Variants in CHAF1B observed in about 807,000 individuals in gnomAD.
CHAF1B encodes the protein chromatin assembly factor 1 subunit B, also known as CAF-1 subunit B.
In CHAF1B, 10 loss-of-function variants were observed where a neutral mutation model predicts 60.7. The ratio of observed to expected loss-of-function variants is 0.16; its 90% confidence interval spans 0.10 to 0.28. The LOEUF (loss-of-function observed/expected upper bound fraction) is 0.28, where lower values mean the gene tolerates loss of function less well. Ranked by LOEUF, CHAF1B falls within the 10% of genes least tolerant of loss-of-function variation. CHAF1B has a pLI of 1.00. For missense variants in CHAF1B, 558 were observed against 708.4 expected (o/e 0.79, Z 2.41); for synonymous variants, 261 against 266.1 (o/e 0.98, Z 0.19).
chr21:36,406,089 G>T (rs969942944), intron 8 of CHAF1B, among the ~76,000 whole-genome samples: 1 of 152,116 alleles, frequency 6.6e-6, no homozygotes, highest in African/African-American at 2.4e-5. Context: ...CCAGAACACA[G>T]AATCCAGAAA....
chr21:36,388,468 G>GTT (rs1168454008), intron 3 of CHAF1B, among the ~76,000 whole-genome samples: 90 of 126,318 alleles, frequency 7.1e-4, no homozygotes, highest in African/African-American at 1.2e-3. Context: ...GGCTTTGGGA[G>GTT]TTTTTTTTTT....
At chr21:36,409,279 G>A in intron 9 of CHAF1B, 95 bp from the exon 10 acceptor site, 1 of 870,752 alleles carries the variant, frequency 1.1e-6, no homozygotes, top group Non-Finnish European at 1.9e-6. Context: ...GGGTTTATAG[G>A]TGTGAGCCAC....
intron 11 of CHAF1B, chr21:36,412,638 A>G: frequency 2.2e-6 from 1 of 457,020 alleles, no homozygotes; most frequent in East Asian, 4.4e-5. Flanking sequence ...CTGGGATTAC[A>G]GGCGTGAGCC....
At position 36,412,256 on chromosome 21, in the gene CHAF1B, G is replaced by A. The variant is rs1029830703; in HGVS notation, c.1062-628G>A. On this transcript the variant is annotated intron_variant, in intron 11 of 13. Coordinates refer to ENST00000314103, the MANE Select transcript of CHAF1B (RefSeq NM_005441.3). ...CTTCCCTGCATGCCCCTGCTGCCCA[G>A]GACAGGGAAGTGCCCCAAGCTGGGC... Among the ~76,000 whole-genome samples the A allele has an allele frequency of 7.2e-5, 11 of 152,294 alleles. No individual in the cohort carries two copies. In the East Asian group the frequency reaches 2.1e-3, roughly 29 times the overall value.
At chr21:36,392,717 C>T (rs1407224712) in intron 4 of CHAF1B, among the ~76,000 whole-genome samples, 2 of 152,020 alleles carry the variant, frequency 1.3e-5, no homozygotes, top group East Asian at 3.9e-4. Flanking sequence ...AGACGCTCCT[C>T]ACCTCCCAGA....
chr21:36,408,223 C>T (rs534798407), intron 8 of CHAF1B, among the ~76,000 whole-genome samples: 13 of 152,192 alleles, frequency 8.5e-5, no homozygotes, highest in Non-Finnish European at 1.3e-4. Context: ...GAAGAGCTCT[C>T]AGATGGGGAC....
intron 8 of CHAF1B, among the ~76,000 whole-genome samples, chr21:36,407,028 A>G (rs1291046428): frequency 6.6e-6 from 1 of 152,138 alleles, no homozygotes; most frequent in Non-Finnish European, 1.5e-5. Context: ...CTGGCTGGGC[A>G]TGGTGGCTCA....
At chr21:36,393,174 C>T (rs1052038793) in intron 4 of CHAF1B, among the ~76,000 whole-genome samples, 5 of 152,168 alleles carry the variant, frequency 3.3e-5, no homozygotes, top group Non-Finnish European at 4.4e-5. Flanking sequence ...ACCGTCCAGC[C>T]TCGGCTTGGC....
intron 4 of CHAF1B, among the ~76,000 whole-genome samples, chr21:36,394,195 C>A (rs1027862586): frequency 6.6e-6 from 1 of 151,856 alleles, no homozygotes; most frequent in Non-Finnish European, 1.5e-5. Context: ...CCCTCCCTCA[C>A]CCTCCTGAGT....
chr21:36,385,727 G>T (rs1175464148), intron 1 of CHAF1B, among the ~76,000 whole-genome samples: 1 of 152,034 alleles, frequency 6.6e-6, no homozygotes, highest in Non-Finnish European at 1.5e-5. Flanking sequence ...CCCTCTTCCG[G>T]GAGGCTCCTC....
chr21:36,402,796 G>A lies in CHAF1B; in HGVS notation c.702G>A (p.Lys234=). 1.9e-6 allele frequency: 3 copies of A among 1,614,104 alleles called. No homozygotes were observed. Among genetic ancestry groups the A allele is most frequent in the South Asian group, 1.1e-5 (1 of 91,084 alleles). Residue 234 remains lysine, a synonymous_variant, in exon 8 of 14, where the codon AAG becomes AAA. Coordinates refer to ENST00000314103, the MANE Select transcript of CHAF1B (RefSeq NM_005441.3). ...SYRMFHDDSM[K]SFFRRLSFTP... ...GGATGTTTCACGACGACAGCATGAA[G>A]TCTTTCTTCCGTAGACTGAGTTTCA...
intron 4 of CHAF1B, among the ~76,000 whole-genome samples, chr21:36,392,383 T>A (rs1021178014): frequency 1.3e-5 from 2 of 152,266 alleles, no homozygotes; most frequent in Admixed American, 6.5e-5. Context: ...TTTCCCCTTT[T>A]TCTATTCGAC....
chr21:36,389,604 CAAAA>C (rs745521824), intron 3 of CHAF1B, among the ~76,000 whole-genome samples: 4 of 73,522 alleles, frequency 5.4e-5, no homozygotes, highest in Admixed American at 1.5e-4. Flanking sequence ...GAGTCTGTCT[CAAAA>C]AAAAAAAAAA....
chr21:36,393,017 C>T (rs886132138), intron 4 of CHAF1B, among the ~76,000 whole-genome samples: 1 of 152,154 alleles, frequency 6.6e-6, no homozygotes, highest in African/African-American at 2.4e-5. Context: ...GGAGACCAGC[C>T]CGGCCAACAC....
intron 12 of CHAF1B, among the ~76,000 whole-genome samples, chr21:36,415,022 C>T (rs111782050): frequency 0.02 from 3,029 of 152,228 alleles, 55 homozygotes; most frequent in Admixed American, 0.043. Context: ...ACAAGACCGT[C>T]GGTAATGAAC....
At chr21:36,403,392 G>A (rs554270648) in intron 8 of CHAF1B, among the ~76,000 whole-genome samples, 2 of 145,278 alleles carry the variant, frequency 1.4e-5, no homozygotes, top group East Asian at 4.0e-4. Context: ...AGGAGGCAGA[G>A]GGTGCAGTGA....
At chr21:36,388,577 C>T (rs1481132887) in intron 3 of CHAF1B, among the ~76,000 whole-genome samples, 17 of 151,382 alleles carry the variant, frequency 1.1e-4, no homozygotes, top group Admixed American at 1.1e-3. Flanking sequence ...AGCGATTCTC[C>T]TGCCTCAGCC....
chr21:36,386,365 G>C lies in CHAF1B; in HGVS notation c.126+103G>C, dbSNP rs2086034525. 1.9e-5 allele frequency: 27 copies of C among 1,416,388 alleles called. No homozygotes were observed. In the South Asian group the frequency reaches 3.4e-4, roughly 18 times the overall value. The allele number at this position is 1,416,388 out of a possible 1,614,324, so 87.7% of individuals were successfully genotyped here. ...CGGCTGGGCGCGGTGGCTTACGCCT[G>C]TAATCCCAGTGCTTTGGGAGGCTGA... On this transcript the variant is annotated intron_variant, in intron 2 of 13. Transcript: ENST00000314103.
chr21:36,386,300 T>G (rs373321906), intron 2 of CHAF1B, 38 bp downstream of exon 2: 1 of 1,605,432 alleles, frequency 6.2e-7, no homozygotes, highest in African/African-American at 1.3e-5. Flanking sequence ...GGAACACTGC[T>G]TGAAGCAATA....
Sources: allele counts gnomAD v4.1 joint callset (sites outside exome capture counted in the v4.1 genomes callset), GRCh38; gene constraint gnomAD v4.1.1; transcripts MANE v1.5; gene names NCBI Gene and HGNC (gene_info 2026-07-23, HGNC 2026-07-21).